Variants in MEGF11 observed in about 807,000 individuals in gnomAD.
The protein encoded by MEGF11 is multiple epidermal growth factor-like domains protein 11.
MEGF11 carries 126 observed loss-of-function variants against 146.6 expected under a neutral mutation model. The observed-to-expected ratio is 0.86, with a 90% CI of 0.74 to 1.00. MEGF11 has a LOEUF of 1.00. Ranked by LOEUF, MEGF11 falls within the 50% of genes least tolerant of loss-of-function variation. The pLI, the probability that MEGF11 is intolerant of heterozygous loss-of-function variation, is 0.00. For synonymous variants in MEGF11, 532 were observed against 583.4 expected, an observed-to-expected ratio of 0.91 and a Z score of 1.27; for missense variants, 1,509 against 1,521.2, an observed-to-expected ratio of 0.99 and a Z score of 0.13.
At chr15:66,134,275 T>C (rs56656024) in intron 1 of MEGF11, among the ~76,000 whole-genome samples, 10,877 of 152,072 alleles carry the variant, frequency 0.072, 488 homozygotes, top group East Asian at 0.24. Flanking sequence ...CGCCTCCTGC[T>C]CGCCCCAACT....
At chr15:66,067,523 CA>C (rs1395497139) in intron 5 of MEGF11, among the ~76,000 whole-genome samples, 2 of 152,228 alleles carry the variant, frequency 1.3e-5, no homozygotes, top group Non-Finnish European at 2.9e-5. Context: ...TCTCCTGCTG[CA>C]GCCCCACGTT....
intron 5 of MEGF11, among the ~76,000 whole-genome samples, chr15:66,070,272 C>A (rs1436255410): frequency 3.9e-5 from 6 of 152,186 alleles, no homozygotes; most frequent in African/African-American, 7.2e-5. Context: ...GGCTCAGCTG[C>A]CCCTTCAATC....
intron 1 of MEGF11, among the ~76,000 whole-genome samples, chr15:66,182,731 G>T (rs141372022): frequency 6.6e-6 from 1 of 152,314 alleles, no homozygotes; most frequent in East Asian, 1.9e-4. Flanking sequence ...CTGCCTGACA[G>T]TTTGCAGGCC....
intron 7 of MEGF11, among the ~76,000 whole-genome samples, chr15:65,979,298 G>A (rs1268655212): frequency 1.3e-5 from 2 of 152,146 alleles, no homozygotes; most frequent in Non-Finnish European, 2.9e-5. Context: ...TGTCAGCTCT[G>A]GGGTGCAGTC....
intron 1 of MEGF11, among the ~76,000 whole-genome samples, chr15:66,162,613 CA>C (rs1214249804): frequency 6.6e-6 from 1 of 151,462 alleles, no homozygotes; most frequent in South Asian, 2.1e-4. Context: ...CAAAACAAAA[CA>C]AAAAAAACAA....
chr15:65,959,785 C>A (rs2080794466), intron 9 of MEGF11, among the ~76,000 whole-genome samples: 1 of 152,076 alleles, frequency 6.6e-6, no homozygotes, highest in African/African-American at 2.4e-5. Context: ...TCAAATAAGC[C>A]TGTGAATTAG....
intron 5 of MEGF11, among the ~76,000 whole-genome samples, chr15:66,068,246 TATGAGCAA>T (rs1254168795): frequency 6.6e-6 from 1 of 152,162 alleles, no homozygotes; most frequent in East Asian, 1.9e-4. Context: ...ATAAATGTTT[TATGAGCAA>T]ATGAAGAATG....
intron 8 of MEGF11, chr15:65,965,389 A>C (rs1191538346): frequency 2.5e-6 from 1 of 400,334 alleles, no homozygotes; most frequent in East Asian, 3.8e-5. Flanking sequence ...CAAGCCTAAT[A>C]ATTTTTAAAA....
chr15:65,927,917 T>A (rs1043441158), intron 13 of MEGF11, among the ~76,000 whole-genome samples: 1 of 152,148 alleles, frequency 6.6e-6, no homozygotes, highest in Non-Finnish European at 1.5e-5. Context: ...GATCTGGGTT[T>A]GAAAAGTTGA....
intron 1 of MEGF11, among the ~76,000 whole-genome samples, chr15:66,171,141 G>A (rs766314475): frequency 6.6e-6 from 1 of 152,222 alleles, no homozygotes; most frequent in African/African-American, 2.4e-5. Context: ...GGTGAAGGCC[G>A]CTGTTGCTGC....
At chr15:66,243,677 T>A (rs954710313) in intron 1 of MEGF11, among the ~76,000 whole-genome samples, 1 of 152,224 alleles carries the variant, frequency 6.6e-6, no homozygotes. Flanking sequence ...GCTCATCCTC[T>A]GCAGGAGGAG....
chr15:66,219,346 C>G (rs1306844472), intron 1 of MEGF11, among the ~76,000 whole-genome samples: 1 of 152,142 alleles, frequency 6.6e-6, no homozygotes, highest in Non-Finnish European at 1.5e-5. Flanking sequence ...AGAAAGAACT[C>G]TCTAAACTCT....
At chr15:66,174,363 T>G (rs186142381) in intron 1 of MEGF11, among the ~76,000 whole-genome samples, 5 of 152,246 alleles carry the variant, frequency 3.3e-5, no homozygotes, top group Admixed American at 1.3e-4. Flanking sequence ...GAATTAAGCA[T>G]GTGCCCGAGA....
intron 7 of MEGF11, among the ~76,000 whole-genome samples, chr15:65,980,395 CTTTTTTTTTTTT>C (rs60154748): frequency 6.8e-5 from 6 of 88,182 alleles, no homozygotes; most frequent in African/African-American, 1.5e-4. Flanking sequence ...AAGAATTCAG[CTTTTTTTTTTTT>C]TTTTTTTTTT....
chr15:66,053,189 A>G (rs1039688756), intron 5 of MEGF11, among the ~76,000 whole-genome samples: 2 of 152,152 alleles, frequency 1.3e-5, no homozygotes, highest in African/African-American at 4.8e-5. Flanking sequence ...CACTGGATTA[A>G]CTTTGCCTTC....
chr15:66,018,603 G>C (rs1168332277), intron 5 of MEGF11, among the ~76,000 whole-genome samples: 4 of 152,210 alleles, frequency 2.6e-5, no homozygotes, highest in Non-Finnish European at 5.9e-5. Context: ...GAGGGTGTGC[G>C]TGTGCAAGCT....
At chr15:65,956,385 C>T (rs2080639146) in intron 10 of MEGF11, among the ~76,000 whole-genome samples, 1 of 152,212 alleles carries the variant, frequency 6.6e-6, no homozygotes, top group African/African-American at 2.4e-5. Context: ...CCTGAGAAGC[C>T]TGCTAGAATG....
intron 9 of MEGF11, among the ~76,000 whole-genome samples, chr15:65,958,811 A>T (rs1199107498): frequency 6.6e-6 from 1 of 152,124 alleles, no homozygotes; most frequent in Admixed American, 6.5e-5. Flanking sequence ...TGCTCTTGGT[A>T]TCTGCTTCTG....
chr15:66,000,298 A>G (rs994457879), intron 5 of MEGF11, among the ~76,000 whole-genome samples: 4 of 152,130 alleles, frequency 2.6e-5, no homozygotes, highest in African/African-American at 9.7e-5. Context: ...GGAGGCTGAG[A>G]CAGGAGGATG....
Sources: gnomAD v4.1 joint callset for allele counts (sites outside exome capture counted in the v4.1 genomes callset) on GRCh38, gnomAD v4.1.1 for gene constraint, MANE v1.5 for transcripts, NCBI Gene and HGNC (gene_info 2026-07-23, HGNC 2026-07-21) for gene names.